L3MBTL3: variants seen among roughly 807,000 people sequenced by gnomAD.
The protein encoded by L3MBTL3 is lethal(3)malignant brain tumor-like protein 3.
Under a neutral mutation model 102.3 loss-of-function variants are expected in L3MBTL3, and 27 were observed. The ratio of observed to expected loss-of-function variants is 0.26; its 90% CI spans 0.19 to 0.36. The LOEUF is 0.36. Ranked by LOEUF, L3MBTL3 falls within the 10% of genes least tolerant of loss-of-function variation. The pLI is 1.00. For missense variants in L3MBTL3, 798 were observed against 955.3 expected, an observed-to-expected ratio of 0.84 and a Z score of 2.17; for synonymous variants, 340 against 320.9, an observed-to-expected ratio of 1.06 and a Z score of -0.64.
Position 130,133,721 on chromosome 6 carries a change from TGAAAGA to T in L3MBTL3, c.2136+104_2136+109del. The T allele has an allele frequency of 6.7e-7, 1 of 1,491,388 alleles. No individual in the cohort carries two copies. The highest frequency in any genetic ancestry group is 9.2e-7 in the Non-Finnish European group (1 of 1,088,080). 92.4% of individuals were successfully genotyped at this position (1,491,388 alleles called of 1,614,324 possible). A position where few individuals can be genotyped will look rare whatever the true frequency, so the allele number is the denominator to read the frequency against. ...AGGTAGCGTTTAGTCTTTTTTTTTC[TGAAAGA>T]GAAGAAATTATTGTGAGAGAAATAA... On this transcript the variant is annotated intron_variant, in intron 21 of 22. Transcript: ENST00000361794. This position sits in a 1 kb window ranked among gnomAD's most constrained non-coding sequence, Gnocchi z 4.9.
At chr6:130,050,405 A>G (rs369268776) in intron 5 of L3MBTL3, among the ~76,000 whole-genome samples, 4 of 152,128 alleles carry the variant, frequency 2.6e-5, no homozygotes, top group African/African-American at 9.7e-5. Context: ...GCCTTTACTC[A>G]TACTGCTTTT....
At chr6:130,019,662 C>A (rs1778815667) in intron 1 of L3MBTL3, among the ~76,000 whole-genome samples, 1 of 149,618 alleles carries the variant, frequency 6.7e-6, no homozygotes, top group African/African-American at 2.5e-5. Context: ...CGGCGGGGCT[C>A]GGCGGCCGAG....
At position 130,130,562 on chromosome 6, in the gene L3MBTL3, G is replaced by A. The variant is rs192714403; in HGVS notation, c.1967-2890G>A. 2.7e-4 allele frequency among the ~76,000 whole-genome samples: 41 copies of A among 152,150 alleles called. 1 individual carries two copies. The highest frequency in any genetic ancestry group is 8.4e-4 in the African/African-American group (35 of 41,516). ...TAAAAAGATGTTTTTAAGTTACTCC[G>A]TATTTTGCTACACAAAAATTCCTTA... On this transcript the variant is annotated intron_variant, in intron 20 of 22. Coordinates refer to ENST00000361794, the MANE Select transcript of L3MBTL3 (RefSeq NM_032438.4).
At chr6:130,120,691 TA>T (rs374265026) in intron 19 of L3MBTL3, among the ~76,000 whole-genome samples, 187 bp from the exon 20 acceptor site, 181 of 152,332 alleles carry the variant, frequency 1.2e-3, no homozygotes, top group Middle Eastern at 3.4e-3. Context: ...TGAAAATTGA[TA>T]ATGAGGAAAA....
Position 130,133,202 on chromosome 6 carries a change from G to GTT in L3MBTL3, c.1967-249_1967-248dup, listed in dbSNP as rs1354850425. ...TTATCTGAAGCATTAAAGAGACAAC[G>GTT]TTGAACAACATAATGAAGCATGTCT... On this transcript the variant is annotated intron_variant, in intron 20 of 22. Transcript: ENST00000361794. This position sits in a 1 kb window ranked among gnomAD's most constrained non-coding sequence, Gnocchi z 4.9. 2.6e-5 allele frequency among the ~76,000 whole-genome samples: 4 copies of GTT among 152,168 alleles called. No homozygotes were observed. Among genetic ancestry groups the GTT allele is most frequent in the Non-Finnish European group, 5.9e-5 (4 of 68,034 alleles).
In L3MBTL3 at chr6:130,051,263, A is replaced by G. The variant is rs775643642; in HGVS notation, c.304A>G (p.Thr102Ala). 5.0e-6 allele frequency: 8 copies of G among 1,612,960 alleles called. No homozygotes were observed. Among genetic ancestry groups the G allele is most frequent in the Admixed American group, 1.7e-5 (1 of 59,898 alleles). ...PGCPTVFSEK[T>A]GMPFRLKDPV... ...TCATCTTCTAGTCTTTTCAGAGAAGACTGGGATGCCTTTCAGGTTGAAGGA... is the reference window on the plus strand; with the variant it reads ...TCATCTTCTAGTCTTTTCAGAGAAGGCTGGGATGCCTTTCAGGTTGAAGGA... Residue 102 changes from threonine to alanine, a missense_variant, in exon 6 of 23, where the codon ACT (threonine) becomes GCT (alanine). Transcript: ENST00000361794.
At chr6:130,034,322 A>G (rs1056065073) in intron 2 of L3MBTL3, among the ~76,000 whole-genome samples, 6 of 152,352 alleles carry the variant, frequency 3.9e-5, no homozygotes, top group Admixed American at 6.5e-5. Context: ...ATTTTAGCAC[A>G]TAATTCCTTC....
intron 7 of L3MBTL3, among the ~76,000 whole-genome samples, chr6:130,053,259 TC>T (rs1015035698): frequency 2.0e-5 from 3 of 152,228 alleles, no homozygotes; most frequent in African/African-American, 7.2e-5. Flanking sequence ...TTAAAAACCT[TC>T]AGTCTTGTAG....
At chr6:130,066,305 A>G in intron 10 of L3MBTL3, 48 bp from the exon 11 acceptor site, 1 of 478,964 alleles carries the variant, frequency 2.1e-6, no homozygotes. Context: ...TATATATATG[A>G]ATATTCTGAG....
intron 20 of L3MBTL3, among the ~76,000 whole-genome samples, chr6:130,129,894 A>G (rs1462895674): frequency 6.6e-6 from 1 of 152,216 alleles, no homozygotes; most frequent in Non-Finnish European, 1.5e-5. Context: ...ATGTTAAAAC[A>G]AAAACCTGGA....
intron 1 of L3MBTL3, among the ~76,000 whole-genome samples, chr6:130,019,015 G>A: frequency 6.6e-6 from 1 of 151,986 alleles, no homozygotes; most frequent in East Asian, 1.9e-4. Context: ...AAAATGGGGG[G>A]AGGAGAGACT....
At chr6:130,042,504 C>T (rs1465294202) in intron 2 of L3MBTL3, among the ~76,000 whole-genome samples, 181 bp from the exon 3 acceptor site, 1 of 151,968 alleles carries the variant, frequency 6.6e-6, no homozygotes, top group Non-Finnish European at 1.5e-5. Context: ...TATACTTTTC[C>T]AAGGATCGTA....
At chr6:130,061,684 G>A (rs1290644969) in intron 10 of L3MBTL3, among the ~76,000 whole-genome samples, 1 of 152,110 alleles carries the variant, frequency 6.6e-6, no homozygotes, top group African/African-American at 2.4e-5. Flanking sequence ...GGAAGAGGAG[G>A]GTCAGAGTTT....
intron 19 of L3MBTL3, among the ~76,000 whole-genome samples, chr6:130,109,378 G>A (rs558170089): frequency 1.3e-5 from 2 of 152,236 alleles, no homozygotes; most frequent in East Asian, 3.9e-4. Flanking sequence ...GTTGTTTCGT[G>A]ACTTTTTGAT....
chr6:130,027,098 C>T (rs1429953426), intron 2 of L3MBTL3, among the ~76,000 whole-genome samples: 2 of 152,070 alleles, frequency 1.3e-5, no homozygotes, highest in African/African-American at 2.4e-5. Context: ...GGTGAAGAGT[C>T]TATTTTGACT....
At chr6:130,073,471 G>T (rs1484783026) in intron 13 of L3MBTL3, among the ~76,000 whole-genome samples, 1 of 152,048 alleles carries the variant, frequency 6.6e-6, no homozygotes, top group African/African-American at 2.4e-5. Context: ...ATTGAAATGA[G>T]AATATTTTGT....
intron 2 of L3MBTL3, among the ~76,000 whole-genome samples, chr6:130,026,392 A>G (rs922313467): frequency 1.3e-5 from 2 of 152,132 alleles, no homozygotes; most frequent in Non-Finnish European, 2.9e-5. Flanking sequence ...GAATCAGGGA[A>G]AATGATACTG....
chr6:130,119,562 C>T (rs6900467), intron 19 of L3MBTL3, among the ~76,000 whole-genome samples: 5,587 of 152,126 alleles, frequency 0.037, 194 homozygotes, highest in African/African-American at 0.087. Context: ...TAGCTTCATC[C>T]TTCTACTTTC....
At chr6:130,023,369 A>G (rs1443178861) in intron 2 of L3MBTL3, among the ~76,000 whole-genome samples, 2 of 152,182 alleles carry the variant, frequency 1.3e-5, no homozygotes, top group Non-Finnish European at 2.9e-5. Flanking sequence ...AGCAGAGACA[A>G]TGGGGCAAGA....
Sources: allele counts gnomAD v4.1 joint callset (sites outside exome capture counted in the v4.1 genomes callset), GRCh38; gene constraint gnomAD v4.1.1; non-coding constraint Gnocchi (gnomAD v3.1); transcripts MANE v1.5; gene names NCBI Gene and HGNC (gene_info 2026-07-23, HGNC 2026-07-21).